Variants in TSNARE1 observed in about 807,000 individuals in gnomAD.
The protein encoded by TSNARE1 is t-SNARE domain containing 1.
A neutral mutation model predicts 62.0 loss-of-function variants in TSNARE1; 49 were observed. The ratio of observed to expected loss-of-function variants is 0.79; its 90% CI spans 0.63 to 1.00. The LOEUF (loss-of-function observed/expected upper bound fraction) is 1.00. Among genes scored for constraint, TSNARE1 ranks in the 50% least tolerant of loss-of-function variants. TSNARE1 has a pLI of 0.00. For missense variants in TSNARE1, 755 were observed against 700.1 expected, an observed-to-expected ratio of 1.08 and a Z score of -0.88; for synonymous variants, 328 against 294.4, an observed-to-expected ratio of 1.11 and a Z score of -1.17.
intron 12 of TSNARE1, among the ~76,000 whole-genome samples, chr8:142,250,548 C>A (rs1335759066): frequency 6.6e-6 from 1 of 152,196 alleles, no homozygotes; most frequent in African/African-American, 2.4e-5. Flanking sequence ...CAGGCCCGAT[C>A]GCAGTAGCCT....
chr8:142,278,770 A>T (rs886610459), intron 11 of TSNARE1: 66 of 985,290 alleles, frequency 6.7e-5, no homozygotes, highest in Non-Finnish European at 7.8e-5. Context: ...GCTGAGAGTC[A>T]CCGGACAGCA....
intron 2 of TSNARE1, among the ~76,000 whole-genome samples, chr8:142,349,750 G>A (rs574552255): frequency 1.3e-5 from 2 of 152,320 alleles, no homozygotes; most frequent in Non-Finnish European, 2.9e-5. Context: ...GAGCTTCACG[G>A]GTGTCGACAC....
intron 1 of TSNARE1, among the ~76,000 whole-genome samples, chr8:142,400,775 T>C (rs908674195): frequency 1.3e-5 from 2 of 152,222 alleles, no homozygotes; most frequent in Non-Finnish European, 2.9e-5. Flanking sequence ...CTGTCTGGGC[T>C]GAACAAATGA....
At chr8:142,395,650 AACGCCCAGGTACC>A (rs1242848789) in intron 1 of TSNARE1, among the ~76,000 whole-genome samples, 1 of 152,208 alleles carries the variant, frequency 6.6e-6, no homozygotes, top group African/African-American at 2.4e-5. Context: ...GACCGGCGAA[AACGCCCAGGTACC>A]ACGAAGCAGC....
intron 1 of TSNARE1, among the ~76,000 whole-genome samples, chr8:142,391,759 GCA>G (rs1837549113): frequency 1.3e-5 from 2 of 152,246 alleles, no homozygotes; most frequent in African/African-American, 4.8e-5. Context: ...GCCTGGCTGT[GCA>G]CAGTGGCCAG....
chr8:142,356,293 C>T (rs1293950551), intron 1 of TSNARE1, among the ~76,000 whole-genome samples: 1 of 152,208 alleles, frequency 6.6e-6, no homozygotes, highest in Admixed American at 6.5e-5. Flanking sequence ...GCCCCTCTCT[C>T]CACAGGTCTC....
At chr8:142,338,156 T>G (rs1308141057) in intron 4 of TSNARE1, among the ~76,000 whole-genome samples, 1 of 152,180 alleles carries the variant, frequency 6.6e-6, no homozygotes, top group Non-Finnish European at 1.5e-5. Context: ...AGTTCTGCTG[T>G]GAACAGGGAT....
Position 142,309,047 on chromosome 8 carries a change from T to G in TSNARE1, c.1131+5337A>C, listed in dbSNP as rs149607252. 3.5e-3 allele frequency among the ~76,000 whole-genome samples: 539 copies of G among 152,338 alleles called. 2 individuals carry two copies. The highest frequency in any genetic ancestry group is 0.012 in the African/African-American group (509 of 41,556). On this transcript the variant is annotated intron_variant, in intron 9 of 13. Transcript: ENST00000524325. ...TCATAGAATTTTTTGAAGAAATTTA[T>G]CTATTGTAATAAATTTATTATATCA...
intron 12 of TSNARE1, 105 bp downstream of exon 12, chr8:142,274,665 TGCCCCTCCCAG>T (rs1286842134): frequency 2.2e-6 from 3 of 1,371,198 alleles, no homozygotes; most frequent in East Asian, 6.1e-5. Context: ...CCTGTGGGCA[TGCCCCTCCCAG>T]GCACAGGGCA....
At chr8:142,257,469 C>T (rs933853172) in intron 12 of TSNARE1, among the ~76,000 whole-genome samples, 2 of 152,130 alleles carry the variant, frequency 1.3e-5, no homozygotes, top group African/African-American at 4.8e-5. Context: ...CCTTGCCCAG[C>T]CAGGAGACTC....
intron 4 of TSNARE1, among the ~76,000 whole-genome samples, chr8:142,340,012 C>A (rs1371963284): frequency 6.6e-6 from 1 of 152,234 alleles, no homozygotes; most frequent in Non-Finnish European, 1.5e-5. Context: ...GGGGAGGGAA[C>A]CAGCTCATTC....
At chr8:142,322,506 T>C (rs143584661) in intron 6 of TSNARE1, among the ~76,000 whole-genome samples, 67 of 152,354 alleles carry the variant, frequency 4.4e-4, no homozygotes, top group African/African-American at 1.5e-3. Context: ...TACATCTATA[T>C]AGAAAATCCC....
At chr8:142,357,189 A>T (rs35850763) in intron 1 of TSNARE1, among the ~76,000 whole-genome samples, 11,508 of 152,304 alleles carry the variant, frequency 0.076, 600 homozygotes, top group Non-Finnish European at 0.11. Flanking sequence ...ATTCACACTG[A>T]TCCCAGCCAG....
intron 4 of TSNARE1, among the ~76,000 whole-genome samples, chr8:142,340,187 A>G (rs889211503): frequency 2.0e-5 from 3 of 152,236 alleles, no homozygotes; most frequent in Admixed American, 1.3e-4. Flanking sequence ...GGCGAGCACC[A>G]GTCCAAAAAG....
chr8:142,397,539 G>A (rs570965171), intron 1 of TSNARE1, among the ~76,000 whole-genome samples: 1 of 152,286 alleles, frequency 6.6e-6, no homozygotes, highest in South Asian at 2.1e-4. Flanking sequence ...TGGATGTTAC[G>A]TAAGTCAGGG....
intron 10 of TSNARE1, among the ~76,000 whole-genome samples, chr8:142,299,807 C>T (rs1825413354): frequency 6.6e-6 from 1 of 152,230 alleles, no homozygotes; most frequent in African/African-American, 2.4e-5. Context: ...GACTCAGGTG[C>T]CTCTTGGGAT....
intron 11 of TSNARE1, chr8:142,275,771 G>A (rs1820375513): frequency 1.0e-6 from 1 of 985,304 alleles, no homozygotes; most frequent in Non-Finnish European, 1.2e-6. Context: ...GCACAGACCT[G>A]AGCTGACTTG....
intron 12 of TSNARE1, among the ~76,000 whole-genome samples, chr8:142,258,715 T>G (rs1459559970): frequency 6.6e-6 from 1 of 152,044 alleles, no homozygotes; most frequent in Non-Finnish European, 1.5e-5. Flanking sequence ...GAGACAGAGT[T>G]TTGCCATGTT....
At chr8:142,288,609 G>T (rs1049318749) in intron 10 of TSNARE1, among the ~76,000 whole-genome samples, 1 of 152,252 alleles carries the variant, frequency 6.6e-6, no homozygotes, top group Non-Finnish European at 1.5e-5. Context: ...GCCGGCACTC[G>T]CGGAGCCACC....
Sources: gnomAD v4.1 joint callset for allele counts (sites outside exome capture counted in the v4.1 genomes callset) on GRCh38, gnomAD v4.1.1 for gene constraint, MANE v1.5 for transcripts, NCBI Gene and HGNC (gene_info 2026-07-23, HGNC 2026-07-21) for gene names.